Variants in RIMS1 observed in about 807,000 individuals in gnomAD.
RIMS1 encodes the protein regulating synaptic membrane exocytosis 1, also known as regulating synaptic membrane exocytosis protein 1.
In RIMS1, 83 loss-of-function variants were observed where a neutral mutation model predicts 214.1. The ratio of observed to expected loss-of-function variants is 0.39; its 90% CI spans 0.32 to 0.47. The LOEUF is 0.47. RIMS1 is among the 20% of genes least tolerant of loss of function. RIMS1 has a pLI of 0.99. For missense variants in RIMS1, 2,050 were observed against 2,161.8 expected (o/e 0.95, Z 1.03); for synonymous variants, 793 against 786.8 (o/e 1.01, Z -0.13).
At chr6:72,188,356 A>G (rs1169913986) in intron 6 of RIMS1, among the ~76,000 whole-genome samples, 2 of 152,242 alleles carry the variant, frequency 1.3e-5, no homozygotes, top group African/African-American at 4.8e-5. Context: ...CGAACATAAT[A>G]CAACTATCCT....
intron 16 of RIMS1, among the ~76,000 whole-genome samples, chr6:72,254,581 A>T (rs1011322704): frequency 2.0e-5 from 3 of 152,192 alleles, no homozygotes; most frequent in African/African-American, 7.2e-5. Context: ...TGCTTCGGTG[A>T]GTGGTTCCCA....
At chr6:72,363,871 G>A (rs532253063) in intron 29 of RIMS1, among the ~76,000 whole-genome samples, 29 of 152,316 alleles carry the variant, frequency 1.9e-4, no homozygotes, top group African/African-American at 7.0e-4. Flanking sequence ...TTCTTTAACT[G>A]ATTTTAAAGA....
At chr6:72,257,444 G>A (rs2076352951) in intron 16 of RIMS1, among the ~76,000 whole-genome samples, 1 of 151,968 alleles carries the variant, frequency 6.6e-6, no homozygotes, top group Non-Finnish European at 1.5e-5. Flanking sequence ...TAATTATGGA[G>A]TAGTTTCAGA....
chr6:72,127,812 T>A (rs2039816943), intron 4 of RIMS1, among the ~76,000 whole-genome samples: 2 of 152,256 alleles, frequency 1.3e-5, no homozygotes, highest in Non-Finnish European at 2.9e-5. Flanking sequence ...CAATATGTGA[T>A]GCCTATCACA....
At position 72,182,649 on chromosome 6, in the gene RIMS1, T is replaced by A; in HGVS notation, c.1178T>A (p.Val393Glu). 1 of 1,528,698 alleles carries A rather than the reference T, an allele frequency of 6.5e-7. No individual in the cohort carries two copies. Among genetic ancestry groups the A allele is most frequent in the Non-Finnish European group, 8.8e-7 (1 of 1,137,432 alleles). 94.7% of individuals were successfully genotyped at this position (1,528,698 alleles called of 1,614,324 possible). Residue 393 changes from valine to glutamate, a missense_variant, in exon 6 of 34, where the codon GTG becomes GAG. Physicochemically the swap from Val to Glu is moderately radical, Grantham distance 121 (BLOSUM62 -2). Transcript: ENST00000521978. ...AGGCACGAGCGGCGCCACAGCGACG[T>A]GGCGCTCCCGCGCACCGAGGCGGGC... ...RARHERRHSD[V>E]ALPRTEAGAA... is the part of the protein sequence containing the mutation.
chr6:72,277,042 T>C (rs1310217775), intron 23 of RIMS1, among the ~76,000 whole-genome samples: 2 of 152,234 alleles, frequency 1.3e-5, no homozygotes, highest in South Asian at 2.1e-4. Flanking sequence ...AGGGCCATAG[T>C]TGATTATTTT....
chr6:72,080,074 T>TAAAAGAA (rs1832955809), intron 2 of RIMS1, among the ~76,000 whole-genome samples: 1 of 22,400 alleles, frequency 4.5e-5, no homozygotes, highest in African/African-American at 1.4e-4. Flanking sequence ...GTGTCTCTAC[T>TAAAAGAA]AAAAAAAAAA....
At chr6:72,130,439 G>A (rs1473609434) in intron 4 of RIMS1, among the ~76,000 whole-genome samples, 1 of 152,066 alleles carries the variant, frequency 6.6e-6, no homozygotes, top group Non-Finnish European at 1.5e-5. Context: ...AGCGTAAATT[G>A]TGTATATTCT....
intron 29 of RIMS1, among the ~76,000 whole-genome samples, chr6:72,379,686 A>C (rs548302709): frequency 3.3e-5 from 5 of 152,342 alleles, no homozygotes; most frequent in Non-Finnish European, 7.3e-5. Flanking sequence ...GCTTTACATG[A>C]ATTATCTCGT....
chr6:72,036,727 G>A (rs1002632964), intron 2 of RIMS1, among the ~76,000 whole-genome samples: 1 of 152,160 alleles, frequency 6.6e-6, no homozygotes, highest in Admixed American at 6.5e-5. Flanking sequence ...AAAGAATGGA[G>A]TAATAACTAG....
At chr6:72,326,282 T>C (rs1197124374) in intron 28 of RIMS1, among the ~76,000 whole-genome samples, 1 of 151,806 alleles carries the variant, frequency 6.6e-6, no homozygotes, top group Non-Finnish European at 1.5e-5. Context: ...AAAACATTCT[T>C]GCTTTCTGAA....
At chr6:72,337,501 T>C (rs1273839354) in intron 29 of RIMS1, among the ~76,000 whole-genome samples, 1 of 151,852 alleles carries the variant, frequency 6.6e-6, no homozygotes, top group Non-Finnish European at 1.5e-5. Flanking sequence ...GTTATGTTTG[T>C]GTGAGTGTAT....
At chr6:71,930,992 T>G (rs75818374) in intron 1 of RIMS1, among the ~76,000 whole-genome samples, 3,387 of 152,152 alleles carry the variant, frequency 0.022, 128 homozygotes, top group African/African-American at 0.076. Context: ...TATAACTAAA[T>G]GCATATTATT....
chr6:72,095,172 C>A (rs1242013305), intron 2 of RIMS1, among the ~76,000 whole-genome samples: 1 of 134,528 alleles, frequency 7.4e-6, no homozygotes, highest in African/African-American at 2.8e-5. Context: ...ACAGTGTTAG[C>A]CAGGATTGTC....
chr6:72,396,967 C>T (rs535544118), intron 31 of RIMS1, among the ~76,000 whole-genome samples: 50 of 152,142 alleles, frequency 3.3e-4, no homozygotes, highest in African/African-American at 1.2e-3. Flanking sequence ...GAGCCAAGAT[C>T]ACACCACTGC....
intron 4 of RIMS1, among the ~76,000 whole-genome samples, chr6:72,174,952 C>T (rs2153959917): frequency 6.6e-6 from 1 of 152,232 alleles, no homozygotes; most frequent in Middle Eastern, 3.4e-3. Context: ...AACATACCCA[C>T]ATACACCCAC....
intron 4 of RIMS1, among the ~76,000 whole-genome samples, chr6:72,179,198 T>C (rs1411737548): frequency 6.6e-6 from 1 of 151,996 alleles, no homozygotes; most frequent in Non-Finnish European, 1.5e-5. Flanking sequence ...CCTGGTAACA[T>C]TTTTCTTTTT....
intron 29 of RIMS1, among the ~76,000 whole-genome samples, chr6:72,341,268 C>A (rs200857100): frequency 2.6e-5 from 4 of 151,914 alleles, no homozygotes; most frequent in African/African-American, 9.7e-5. Context: ...ACTGAATGCC[C>A]TTTATTCCCT....
intron 4 of RIMS1, among the ~76,000 whole-genome samples, chr6:72,100,315 A>G (rs183825468): frequency 1.4e-4 from 21 of 152,174 alleles, no homozygotes; most frequent in African/African-American, 4.8e-4. Context: ...AATGGGCTCT[A>G]CCTTTTTCAG....
Sources: gnomAD v4.1 joint callset for allele counts (sites outside exome capture counted in the v4.1 genomes callset) on GRCh38, gnomAD v4.1.1 for gene constraint, MANE v1.5 for transcripts, NCBI Gene and HGNC (gene_info 2026-07-23, HGNC 2026-07-21) for gene names.